Variants in EFCAB6 observed in about 807,000 individuals in gnomAD.
The protein encoded by EFCAB6 is EF-hand calcium-binding domain-containing protein 6.
In EFCAB6, 156 loss-of-function variants were observed where a neutral mutation model predicts 169.8. The ratio of observed to expected loss-of-function variants is 0.92; its 90% CI spans 0.81 to 1.05. The LOEUF (loss-of-function observed/expected upper bound fraction) is 1.05, where lower values mean the gene tolerates loss of function less well. EFCAB6 is among the 50% of genes least tolerant of loss of function. EFCAB6 has a pLI of 0.00. For missense variants in EFCAB6, 1,800 were observed against 1,829.1 expected, an observed-to-expected ratio of 0.98 and a Z score of 0.29; for synonymous variants, 698 against 676.4, an observed-to-expected ratio of 1.03 and a Z score of -0.50.
intron 5 of EFCAB6, among the ~76,000 whole-genome samples, chr22:43,757,673 T>A (rs1391278872): frequency 1.3e-5 from 2 of 152,116 alleles, no homozygotes; most frequent in Non-Finnish European, 2.9e-5. Flanking sequence ...CCCAATCACA[T>A]CCTCCTGCCT....
chr22:43,677,532 G>C (rs2057814130), intron 13 of EFCAB6, among the ~76,000 whole-genome samples: 1 of 152,122 alleles, frequency 6.6e-6, no homozygotes, highest in African/African-American at 2.4e-5. Context: ...TGTAGTCCCA[G>C]CTACTTGGGA....
At chr22:43,599,341 C>T (rs1000098446) in intron 23 of EFCAB6, among the ~76,000 whole-genome samples, 2 of 151,696 alleles carry the variant, frequency 1.3e-5, no homozygotes, top group Non-Finnish European at 1.5e-5. Context: ...GAAACCTCAC[C>T]TCTACTAAAA....
intron 27 of EFCAB6, among the ~76,000 whole-genome samples, chr22:43,547,650 A>T (rs1431229788): frequency 6.6e-6 from 1 of 152,076 alleles, no homozygotes; most frequent in Non-Finnish European, 1.5e-5. Context: ...CTGTAGTCCC[A>T]GCTACTTGGG....
chr22:43,675,447 G>T (rs1336985523), intron 13 of EFCAB6, among the ~76,000 whole-genome samples: 3 of 102,600 alleles, frequency 2.9e-5, no homozygotes, highest in Middle Eastern at 6.9e-3. Context: ...TTATAATATA[G>T]TATAATATAT....
In EFCAB6 at chr22:43,632,096, A is replaced by G. The variant is rs1314614560; in HGVS notation, c.2232+9T>C. The stretch of plus-strand genomic sequence containing the variant: ...TAGAGAAGCCCAGCGCCAGACAGTC[A>G]CGGTTTACCCGGAATGACTCCTTCA... On this transcript the variant is annotated intron_variant, in intron 19 of 31. Transcript: ENST00000262726. 1 of 1,613,172 alleles carries G rather than the reference A, an allele frequency of 6.2e-7. No homozygotes were observed. Among genetic ancestry groups the G allele is most frequent in the African/African-American group, 1.3e-5 (1 of 74,888 alleles).
chr22:43,678,155 A>C lies in EFCAB6; in HGVS notation c.1260T>G (p.Asp420Glu). ...GAAATTCTTCTCTTGTTATCGGTCC[A>C]TCGGGTTTCTGAGCATCAGAGTGTA... ...KALLIINTKPDGPITREEFRY... is the reference protein window; with the variant it reads ...KALLIINTKPEGPITREEFRY... Residue 420 changes from aspartate (D) to glutamate (E), a missense_variant, in exon 13 of 32, where the codon GAT (aspartate) becomes GAG (glutamate). Coordinates refer to ENST00000262726, the MANE Select transcript of EFCAB6 (RefSeq NM_022785.4). 6.2e-7 allele frequency: 1 copy of C among 1,606,744 alleles called. No homozygotes were observed. Among genetic ancestry groups the C allele is most frequent in the Non-Finnish European group, 8.5e-7 (1 of 1,176,570 alleles).
At chr22:43,666,880 C>T (rs892467885) in intron 17 of EFCAB6, among the ~76,000 whole-genome samples, 1 of 151,746 alleles carries the variant, frequency 6.6e-6, no homozygotes, top group African/African-American at 2.4e-5. Context: ...TATGTAAAAG[C>T]TTAAATATCA....
rs575679550 is a variant in EFCAB6 at position 43,730,779 on chromosome 22, C to T, written c.757+920G>A. 5.5e-4 allele frequency among the ~76,000 whole-genome samples: 84 copies of T among 152,268 alleles called. No individual in the cohort carries two copies. In the East Asian group the frequency reaches 0.014, roughly 26 times the overall value. On this transcript the variant is annotated intron_variant, in intron 8 of 31. Coordinates refer to ENST00000262726, the MANE Select transcript of EFCAB6 (RefSeq NM_022785.4). ...AATATGAAGAGGCGACGCAGGAACACGCTTTGCACAGCTCCTGGCACAGGA... is the reference window on the plus strand; with the variant it reads ...AATATGAAGAGGCGACGCAGGAACATGCTTTGCACAGCTCCTGGCACAGGA...
chr22:43,769,612 G>C (rs2147953239), intron 4 of EFCAB6, among the ~76,000 whole-genome samples: 1 of 152,042 alleles, frequency 6.6e-6, no homozygotes, highest in East Asian at 1.9e-4. Context: ...TTTTTTTAAG[G>C]GAAGAGAAAA....
At chr22:43,746,593 C>A (rs981034212) in intron 6 of EFCAB6, among the ~76,000 whole-genome samples, 1 of 152,136 alleles carries the variant, frequency 6.6e-6, no homozygotes, top group Admixed American at 6.5e-5. Flanking sequence ...TGAAAAGGTG[C>A]CCCGTCTATA....
intron 17 of EFCAB6, among the ~76,000 whole-genome samples, chr22:43,662,411 T>C (rs1264271273): frequency 1.3e-5 from 2 of 152,024 alleles, no homozygotes; most frequent in Non-Finnish European, 2.9e-5. Context: ...TGGGAATAAA[T>C]AATTGGCACT....
intron 6 of EFCAB6, among the ~76,000 whole-genome samples, chr22:43,749,028 C>A (rs1175555956): frequency 2.0e-5 from 3 of 152,120 alleles, no homozygotes; most frequent in Non-Finnish European, 4.4e-5. Context: ...AAAGCACAGG[C>A]CAGCAACAAT....
intron 12 of EFCAB6, among the ~76,000 whole-genome samples, chr22:43,683,236 G>T (rs1052310887): frequency 2.0e-5 from 3 of 152,196 alleles, no homozygotes; most frequent in African/African-American, 7.2e-5. Flanking sequence ...ATTAAAGTCA[G>T]ACAGGAGCTA....
chr22:43,581,488 A>T (rs1421761848), intron 24 of EFCAB6, among the ~76,000 whole-genome samples: 2 of 152,248 alleles, frequency 1.3e-5, no homozygotes, highest in Non-Finnish European at 2.9e-5. Context: ...GGAAGACTAA[A>T]TTGTGAGGTA....
chr22:43,759,432 T>A (rs1275757753), intron 5 of EFCAB6: 1 of 152,248 alleles, frequency 6.6e-6, no homozygotes, highest in East Asian at 1.9e-4. Context: ...TAGTTATTCT[T>A]CATGGAAGTA....
intron 19 of EFCAB6, among the ~76,000 whole-genome samples, chr22:43,629,702 C>G (rs552482018): frequency 3.3e-5 from 5 of 152,022 alleles, no homozygotes; most frequent in Non-Finnish European, 7.3e-5. Flanking sequence ...TTGAGAAGGA[C>G]AGAAGCTTGG....
chr22:43,557,123 T>C lies in EFCAB6; in HGVS notation c.3421-2027A>G, dbSNP rs150788750. ...GTGGATGGAGCCCAGCATGGGAAGA[T>C]GGGAGTCCTGGGTCTGAGTCTAGAC... is the stretch of plus-strand genomic sequence containing the variant. On this transcript the variant is annotated intron_variant, in intron 26 of 31. Transcript: ENST00000262726. Among the ~76,000 whole-genome samples the C allele has an allele frequency of 9.4e-3, 1,432 of 152,296 alleles. 11 individuals carry two copies. The highest frequency in any genetic ancestry group is 0.044 in the Middle Eastern group (13 of 294).
At chr22:43,614,667 C>G (rs974456327) in intron 21 of EFCAB6, among the ~76,000 whole-genome samples, 2 of 152,212 alleles carry the variant, frequency 1.3e-5, no homozygotes, top group African/African-American at 4.8e-5. Flanking sequence ...ACACAGAGCT[C>G]CAGTCTGTGG....
intron 12 of EFCAB6, among the ~76,000 whole-genome samples, chr22:43,680,951 A>G (rs533209188): frequency 6.6e-6 from 1 of 152,030 alleles, no homozygotes; most frequent in African/African-American, 2.4e-5. Context: ...GATGCCTTTT[A>G]TTTCTTTTTC....
Sources: gnomAD v4.1 joint callset for allele counts (sites outside exome capture counted in the v4.1 genomes callset) on GRCh38, gnomAD v4.1.1 for gene constraint, MANE v1.5 for transcripts, NCBI Gene and HGNC (gene_info 2026-07-23, HGNC 2026-07-21) for gene names.